Variants in MMS22L observed in about 807,000 individuals in gnomAD.
The protein encoded by MMS22L is protein MMS22-like.
A neutral mutation model predicts 159.1 loss-of-function variants in MMS22L; 74 were observed. The ratio of observed to expected loss-of-function variants is 0.47; its 90% CI spans 0.39 to 0.56. MMS22L has a LOEUF of 0.56. Ranked by LOEUF, MMS22L falls within the 20% of genes least tolerant of loss-of-function variation. The pLI, the probability that MMS22L is intolerant of heterozygous loss-of-function variation, is 0.00. For missense variants in MMS22L, 1,351 were observed against 1,422.1 expected, an observed-to-expected ratio of 0.95 and a Z score of 0.80; for synonymous variants, 517 against 506.9, an observed-to-expected ratio of 1.02 and a Z score of -0.27.
chr6:97,221,322 G>A (rs768114556), intron 14 of MMS22L, among the ~76,000 whole-genome samples: 1 of 152,072 alleles, frequency 6.6e-6, no homozygotes, highest in Non-Finnish European at 1.5e-5. Flanking sequence ...GATAGGGACT[G>A]AAAAAGTGAC....
intron 14 of MMS22L, among the ~76,000 whole-genome samples, chr6:97,222,825 G>T (rs1321460429): frequency 6.6e-6 from 1 of 152,052 alleles, no homozygotes; most frequent in Admixed American, 6.6e-5. Context: ...AATGCTGACA[G>T]ACCCTCAACT....
chr6:97,278,809 A>C (rs1816483631), intron 4 of MMS22L, 40 bp downstream of exon 4: 1 of 1,563,206 alleles, frequency 6.4e-7, no homozygotes, highest in Non-Finnish European at 8.8e-7. Flanking sequence ...ACTATAATGA[A>C]GCACCATTCC....
At chr6:97,221,825 T>C (rs1582674945) in intron 14 of MMS22L, among the ~76,000 whole-genome samples, 1 of 152,024 alleles carries the variant, frequency 6.6e-6, no homozygotes, top group Non-Finnish European at 1.5e-5. Flanking sequence ...CATAAAATTA[T>C]ATATAATGAA....
chr6:97,262,238 A>T (rs1323750194), intron 9 of MMS22L, among the ~76,000 whole-genome samples: 2 of 152,300 alleles, frequency 1.3e-5, no homozygotes, highest in African/African-American at 2.4e-5. Flanking sequence ...ATGAAAATAA[A>T]TTTTTTTACT....
intron 16 of MMS22L, 110 bp from the exon 17 acceptor site, chr6:97,179,669 G>A: frequency 1.1e-6 from 1 of 906,070 alleles, no homozygotes; most frequent in Non-Finnish European, 1.5e-6. Context: ...TGGCCTCATT[G>A]ATTTTTCAGA....
At chr6:97,196,640 T>C (rs1806548148) in intron 14 of MMS22L, among the ~76,000 whole-genome samples, 1 of 152,176 alleles carries the variant, frequency 6.6e-6, no homozygotes, top group Admixed American at 6.5e-5. Context: ...CCAACATATA[T>C]ATTCCTCATG....
chr6:97,238,572 C>CATGTGTGTGTGTGTGTGT (rs1052667059), intron 11 of MMS22L, among the ~76,000 whole-genome samples: 6 of 91,434 alleles, frequency 6.6e-5, no homozygotes, highest in African/African-American at 1.7e-4. Context: ...TGTCTCATCT[C>CATGTGTGTGTGTGTGTGT]GTGTGTGTGT....
At position 97,146,607 on chromosome 6, in the gene MMS22L, C is replaced by T; in HGVS notation, c.*199G>A. 2.8e-6 allele frequency: 1 copy of T among 356,652 alleles called. No homozygotes were observed. The highest frequency in any genetic ancestry group is 5.1e-6 in the Non-Finnish European group (1 of 194,940). 22.1% of individuals were successfully genotyped at this position (356,652 alleles called of 1,614,324 possible). ...TAGAATGCAGTTTTGTAAAAAGTTC[C>T]AAGGATCCTATTACACAGTTGCTAA... is the stretch of plus-strand genomic sequence containing the variant. On this transcript the variant is annotated 3_prime_UTR_variant, in exon 25 of 25. Coordinates refer to ENST00000683635, the MANE Select transcript of MMS22L (RefSeq NM_001350599.2).
intron 14 of MMS22L, among the ~76,000 whole-genome samples, chr6:97,206,324 A>G (rs981184948): frequency 1.4e-5 from 2 of 145,066 alleles, no homozygotes; most frequent in East Asian, 2.0e-4. Flanking sequence ...TTTAACAAGG[A>G]AAAAAAAAAA....
intron 7 of MMS22L, among the ~76,000 whole-genome samples, chr6:97,269,637 A>G (rs770015684): frequency 6.6e-6 from 1 of 152,162 alleles, no homozygotes; most frequent in East Asian, 1.9e-4. Context: ...TATGATGATC[A>G]TATCTGTGGT....
chr6:97,225,995 A>C (rs758863545), intron 14 of MMS22L, among the ~76,000 whole-genome samples: 1 of 152,214 alleles, frequency 6.6e-6, no homozygotes, highest in Non-Finnish European at 1.5e-5. Context: ...TTTTGGTATG[A>C]AATTTGGTAA....
chr6:97,185,236 C>A (rs922001668), intron 15 of MMS22L, among the ~76,000 whole-genome samples: 4 of 152,164 alleles, frequency 2.6e-5, no homozygotes, highest in African/African-American at 9.6e-5. Flanking sequence ...TATGCCCCAA[C>A]ACTAGATTAT....
At chr6:97,283,339 T>G (rs1816945669), upstream of MMS22L, 1 of 150,130 alleles carries the variant, frequency 6.7e-6, no homozygotes, top group Non-Finnish European at 1.5e-5. Flanking sequence ...CTGAGAAACT[T>G]TTTTTTTTGT....
chr6:97,264,376 T>TA (rs1243498445), intron 8 of MMS22L: 8 of 151,994 alleles, frequency 5.3e-5, no homozygotes, highest in Admixed American at 3.9e-4. Flanking sequence ...CTTTTTTTAA[T>TA]AAAAAAATCC....
chr6:97,213,464 C>G (rs73760104), intron 14 of MMS22L, among the ~76,000 whole-genome samples: 4 of 152,074 alleles, frequency 2.6e-5, no homozygotes, highest in Non-Finnish European at 4.4e-5. Context: ...TTTGTCCCCC[C>G]ACCCTTCAAA....
At chr6:97,208,308 C>T (rs1161641263) in intron 14 of MMS22L, among the ~76,000 whole-genome samples, 5 of 152,060 alleles carry the variant, frequency 3.3e-5, no homozygotes, top group African/African-American at 1.2e-4. Context: ...TTAAAGTTCT[C>T]TTTCAATTCA....
intron 22 of MMS22L, among the ~76,000 whole-genome samples, chr6:97,157,016 T>C (rs185202294): frequency 5.3e-5 from 8 of 152,234 alleles, no homozygotes; most frequent in Admixed American, 5.2e-4. Context: ...GGTTTGTAGT[T>C]CTCCTTGAAG....
intron 19 of MMS22L, among the ~76,000 whole-genome samples, chr6:97,169,638 T>C (rs1305312909): frequency 3.3e-5 from 5 of 152,172 alleles, no homozygotes; most frequent in Non-Finnish European, 7.4e-5. Flanking sequence ...TAATCAATCA[T>C]AAAGAAACAA....
chr6:97,160,489 T>C (rs1802326219), intron 22 of MMS22L, among the ~76,000 whole-genome samples: 1 of 152,012 alleles, frequency 6.6e-6, no homozygotes, highest in South Asian at 2.1e-4. Context: ...CTTACTGGGG[T>C]TTCTTGTAGA....
Sources: gnomAD v4.1 joint callset for allele counts (sites outside exome capture counted in the v4.1 genomes callset) on GRCh38, gnomAD v4.1.1 for gene constraint, MANE v1.5 for transcripts, NCBI Gene and HGNC (gene_info 2026-07-23, HGNC 2026-07-21) for gene names.